RBFOX3: variants seen among roughly 807,000 people sequenced by gnomAD.
The protein encoded by RBFOX3 is RNA binding fox-1 homolog 3.
A neutral mutation model predicts 48.7 loss-of-function variants in RBFOX3; 17 were observed. That is an observed-to-expected ratio of 0.35 (90% CI 0.24 to 0.52). The LOEUF (loss-of-function observed/expected upper bound fraction) is 0.52. Ranked by LOEUF, RBFOX3 falls within the 20% of genes least tolerant of loss-of-function variation. RBFOX3 has a pLI of 0.94. For synonymous variants in RBFOX3, 212 were observed against 209.5 expected (o/e 1.01, Z -0.10); for missense variants, 382 against 497.5 (o/e 0.77, Z 2.21).
chr17:79,142,711 GGCT>G (rs2042153739), intron 4 of RBFOX3, among the ~76,000 whole-genome samples: 1 of 152,154 alleles, frequency 6.6e-6, no homozygotes, highest in African/African-American at 2.4e-5. Flanking sequence ...ACAGGCCGAG[GGCT>G]GCTGCTTCTT....
intron 4 of RBFOX3, among the ~76,000 whole-genome samples, chr17:79,158,020 G>A (rs1235271861): frequency 1.3e-5 from 2 of 152,134 alleles, no homozygotes; most frequent in East Asian, 1.9e-4. Context: ...GCGTGGAGAC[G>A]GGACCTTTAA....
chr17:79,262,276 G>A (rs936926273), intron 3 of RBFOX3, among the ~76,000 whole-genome samples: 11 of 152,208 alleles, frequency 7.2e-5, no homozygotes, highest in African/African-American at 2.7e-4. Context: ...GCAGCCAGGG[G>A]CAAGTCCCGC....
At chr17:79,233,275 A>G (rs186181598) in intron 4 of RBFOX3, among the ~76,000 whole-genome samples, 1 of 152,364 alleles carries the variant, frequency 6.6e-6, no homozygotes, top group Non-Finnish European at 1.5e-5. Context: ...CTACGATTCT[A>G]TTTATATAAA....
chr17:79,558,680 C>T (rs1051619950), intron 1 of RBFOX3, among the ~76,000 whole-genome samples: 5 of 152,196 alleles, frequency 3.3e-5, no homozygotes, highest in Non-Finnish European at 5.9e-5. Flanking sequence ...GAGCAGCCTT[C>T]CCCTGCCTTG....
chr17:79,377,533 C>T (rs1598434379), intron 2 of RBFOX3, among the ~76,000 whole-genome samples: 1 of 152,188 alleles, frequency 6.6e-6, no homozygotes, highest in Admixed American at 6.5e-5. Context: ...TCCATCGCAC[C>T]CATGCTGTAG....
intron 5 of RBFOX3, 108 bp downstream of exon 5, chr17:79,115,386 C>A (rs1336415166): frequency 3.1e-6 from 2 of 641,788 alleles, no homozygotes; most frequent in Non-Finnish European, 4.5e-6. Context: ...CCTGCCCAGG[C>A]CCCTCGCCCA....
intron 4 of RBFOX3, among the ~76,000 whole-genome samples, chr17:79,219,920 AGCCCCCTGT>A (rs1242885247): frequency 2.0e-5 from 3 of 150,524 alleles, no homozygotes; most frequent in African/African-American, 7.3e-5. Flanking sequence ...GGCTGGGCCC[AGCCCCCTGT>A]CCCAGCCCCC....
chr17:79,466,258 A>T (rs1279465412), intron 2 of RBFOX3, among the ~76,000 whole-genome samples: 3 of 152,104 alleles, frequency 2.0e-5, no homozygotes, highest in Non-Finnish European at 2.9e-5. Context: ...CCTCTCCCGG[A>T]TTGTTCTCTG....
intron 2 of RBFOX3, among the ~76,000 whole-genome samples, chr17:79,453,186 C>T (rs150756940): frequency 2.6e-5 from 4 of 152,346 alleles, no homozygotes; most frequent in East Asian, 3.9e-4. Flanking sequence ...CATGCTATGC[C>T]GGAGCTGAAG....
At chr17:79,425,328 G>A (rs2148810085) in intron 2 of RBFOX3, among the ~76,000 whole-genome samples, 1 of 152,322 alleles carries the variant, frequency 6.6e-6, no homozygotes, top group East Asian at 1.9e-4. Flanking sequence ...ACCCTCTGCA[G>A]TGGGGAGGGC....
At chr17:79,143,199 G>A (rs1188978055) in intron 4 of RBFOX3, among the ~76,000 whole-genome samples, 2 of 152,160 alleles carry the variant, frequency 1.3e-5, no homozygotes, top group Non-Finnish European at 1.5e-5. Flanking sequence ...ATCTGACCGT[G>A]GCGACTAGCA....
intron 3 of RBFOX3, among the ~76,000 whole-genome samples, chr17:79,276,731 A>C (rs941447142): frequency 6.6e-6 from 1 of 152,134 alleles, no homozygotes; most frequent in African/African-American, 2.4e-5. Context: ...ACCAAAACCA[A>C]AAATCAAGAA....
intron 1 of RBFOX3, among the ~76,000 whole-genome samples, chr17:79,509,154 C>T (rs2083673554): frequency 6.6e-6 from 1 of 152,072 alleles, no homozygotes. Flanking sequence ...TCAACCACTG[C>T]CCCCATGAGG....
chr17:79,539,849 C>T (rs545775468), intron 1 of RBFOX3, among the ~76,000 whole-genome samples: 5 of 152,252 alleles, frequency 3.3e-5, no homozygotes, highest in South Asian at 2.1e-4. Flanking sequence ...AAGAACATGG[C>T]GCATGGTTAA....
intron 4 of RBFOX3, among the ~76,000 whole-genome samples, chr17:79,222,866 G>A (rs2059897411): frequency 6.6e-6 from 1 of 152,182 alleles, no homozygotes; most frequent in Non-Finnish European, 1.5e-5. Context: ...GTTGCTCTTT[G>A]GGGAGCACAG....
rs1030827224 is a variant in RBFOX3 at position 79,475,906 on chromosome 17, A to G, written c.-175+6548T>C. On this transcript the variant is annotated intron_variant, in intron 2 of 14. Transcript: ENST00000693108. ...AACCCCGCTGCCCTCCTGATTTTGG[A>G]TCCTGGCCTCCAGGAATTGGTGAGA... is the stretch of plus-strand genomic sequence containing the variant. Among the ~76,000 whole-genome samples the G allele has an allele frequency of 5.3e-5, 8 of 152,168 alleles. No homozygotes were observed. In the East Asian group the frequency reaches 1.5e-3, roughly 29 times the overall value.
At chr17:79,516,046 CAGAG>C (rs1288499798) in intron 1 of RBFOX3, 1 of 152,152 alleles carries the variant, frequency 6.6e-6, no homozygotes, top group African/African-American at 2.4e-5. Flanking sequence ...ACCAGGCCAA[CAGAG>C]AGAGAGGAGA....
At chr17:79,304,575 G>A (rs1568009014) in intron 3 of RBFOX3, among the ~76,000 whole-genome samples, 1 of 151,310 alleles carries the variant, frequency 6.6e-6, no homozygotes. Flanking sequence ...GTTATTTCTG[G>A]CAGATTGTTA....
intron 3 of RBFOX3, among the ~76,000 whole-genome samples, chr17:79,285,157 A>T (rs1249735297): frequency 6.6e-6 from 1 of 152,190 alleles, no homozygotes; most frequent in East Asian, 1.9e-4. Flanking sequence ...CGACGCAGGC[A>T]CATCGCAAAG....
Sources: gnomAD v4.1 joint callset for allele counts (sites outside exome capture counted in the v4.1 genomes callset) on GRCh38, gnomAD v4.1.1 for gene constraint, MANE v1.5 for transcripts, NCBI Gene and HGNC (gene_info 2026-07-23, HGNC 2026-07-21) for gene names.